The following SCAPER variants were observed in gnomAD, a reference collection of about 807,000 sequenced individuals.
SCAPER encodes S-phase cyclin A associated protein in the ER.
In SCAPER, 98 loss-of-function variants were observed where a neutral mutation model predicts 182.2. The ratio of observed to expected loss-of-function variants is 0.54; its 90% confidence interval spans 0.46 to 0.64. The LOEUF (loss-of-function observed/expected upper bound fraction) is 0.64. Ranked by LOEUF, SCAPER falls within the 30% of genes least tolerant of loss-of-function variation. The probability of loss-of-function intolerance (pLI) is 0.00; values close to 1 mark genes in which losing one functional copy is unlikely to be tolerated. For missense variants in SCAPER, 1,432 were observed against 1,690.0 expected (o/e 0.85, Z 2.68); for synonymous variants, 605 against 564.6 (o/e 1.07, Z -1.01).
chr15:76,399,852 A>G, intron 27 of SCAPER, among the ~76,000 whole-genome samples: 1 of 152,078 alleles, frequency 6.6e-6, no homozygotes, highest in East Asian at 1.9e-4. Context: ...TAAAAATACA[A>G]AAATTAGCCA....
chr15:76,884,871 C>T (rs1333142333), intron 1 of SCAPER, among the ~76,000 whole-genome samples: 2 of 152,136 alleles, frequency 1.3e-5, no homozygotes, highest in East Asian at 3.8e-4. Flanking sequence ...ATATATGCTA[C>T]AATATGGATG....
At chr15:76,394,949 C>T (rs186584799) in intron 27 of SCAPER, among the ~76,000 whole-genome samples, 30 of 152,168 alleles carry the variant, frequency 2.0e-4, no homozygotes, top group African/African-American at 5.5e-4. Flanking sequence ...TTCATTCTAA[C>T]GCTTTTATTT....
At chr15:76,574,455 A>G (rs1193551369) in intron 22 of SCAPER, among the ~76,000 whole-genome samples, 171 bp from the exon 23 acceptor site, 1 of 152,230 alleles carries the variant, frequency 6.6e-6, no homozygotes, top group Admixed American at 6.5e-5. Flanking sequence ...GTTATTTTAT[A>G]TTCATGACCA....
intron 21 of SCAPER, among the ~76,000 whole-genome samples, chr15:76,624,419 A>G (rs969367840): frequency 1.3e-5 from 2 of 152,234 alleles, no homozygotes; most frequent in Non-Finnish European, 2.9e-5. Flanking sequence ...ATAAATGAAA[A>G]AACATTCCAT....
chr15:76,811,121 CA>C (rs71447123), intron 5 of SCAPER, among the ~76,000 whole-genome samples: 11,745 of 105,414 alleles, frequency 0.11, 460 homozygotes, highest in Middle Eastern at 0.15. Flanking sequence ...ATAGAATTTA[CA>C]AAAAAAAAAA....
intron 27 of SCAPER, among the ~76,000 whole-genome samples, chr15:76,399,768 G>GCTGAGGTAGGTGGATCAT (rs2044326633): frequency 1.3e-5 from 2 of 152,084 alleles, no homozygotes; most frequent in Admixed American, 1.3e-4. Context: ...ACTTTGGGAG[G>GCTGAGGTAGGTGGATCAT]CTGAGGTAGG....
intron 17 of SCAPER, among the ~76,000 whole-genome samples, chr15:76,712,787 T>C (rs2059661775): frequency 6.6e-6 from 1 of 151,878 alleles, no homozygotes; most frequent in African/African-American, 2.4e-5. Context: ...TACATTGATT[T>C]TGTATCCTGA....
intron 8 of SCAPER, among the ~76,000 whole-genome samples, chr15:76,792,974 C>T: frequency 6.6e-6 from 1 of 152,246 alleles, no homozygotes; most frequent in East Asian, 1.9e-4. Context: ...AGCTAGCTCA[C>T]TCCGTATGTT....
rs536278425 is a variant in SCAPER, at chr15:76,415,475, G to A, written c.3312-10796C>T. Among the ~76,000 whole-genome samples, 18 of 152,062 alleles carry A rather than the reference G, an allele frequency of 1.2e-4. No homozygotes were observed. In the South Asian group the frequency reaches 2.9e-3, roughly 25 times the overall value. On this transcript the variant is annotated intron_variant, in intron 26 of 31. Coordinates refer to ENST00000563290, the MANE Select transcript of SCAPER (RefSeq NM_020843.4). ...AAGGAATAAACTATTGCCCTGAGGT[G>A]GAAAATGGATAAATTTGGGAATTTA...
At chr15:76,568,522 A>T (rs1180021684) in intron 23 of SCAPER, among the ~76,000 whole-genome samples, 2 of 151,454 alleles carry the variant, frequency 1.3e-5, no homozygotes, top group East Asian at 3.9e-4. Context: ...CACCTGGCTA[A>T]TTTTTTTTAT....
At chr15:76,423,982 A>G (rs567742808) in intron 26 of SCAPER, among the ~76,000 whole-genome samples, 1 of 152,286 alleles carries the variant, frequency 6.6e-6, no homozygotes, top group East Asian at 1.9e-4. Flanking sequence ...GTGGTCTGAG[A>G]GACAGTTTGT....
chr15:76,691,179 C>T (rs1436971487), intron 20 of SCAPER, among the ~76,000 whole-genome samples: 1 of 151,902 alleles, frequency 6.6e-6, no homozygotes, highest in Non-Finnish European at 1.5e-5. Flanking sequence ...GCTCAGTGGA[C>T]AGACACAAAA....
chr15:76,841,523 T>C (rs2069477845), intron 5 of SCAPER, among the ~76,000 whole-genome samples: 1 of 152,106 alleles, frequency 6.6e-6, no homozygotes, highest in African/African-American at 2.4e-5. Flanking sequence ...GGCATGTGCC[T>C]GTAATCCCAG....
At chr15:76,810,104 A>C (rs1256407874) in intron 5 of SCAPER, among the ~76,000 whole-genome samples, 1 of 152,198 alleles carries the variant, frequency 6.6e-6, no homozygotes, top group Non-Finnish European at 1.5e-5. Flanking sequence ...AGAAAAGCTA[A>C]AAAAGTTGTT....
intron 17 of SCAPER, among the ~76,000 whole-genome samples, chr15:76,716,135 A>T (rs139018211): frequency 3.6e-4 from 55 of 152,300 alleles, no homozygotes; most frequent in African/African-American, 1.3e-3. Context: ...TAATAACCTC[A>T]GCAGCCAACA....
chr15:76,633,830 C>T (rs537256434), intron 21 of SCAPER, among the ~76,000 whole-genome samples: 21 of 152,240 alleles, frequency 1.4e-4, no homozygotes, highest in African/African-American at 3.1e-4. Flanking sequence ...CACCCCTCTC[C>T]GCCCGGAACT....
chr15:76,708,369 A>C (rs1316913658), intron 17 of SCAPER, among the ~76,000 whole-genome samples: 1 of 152,178 alleles, frequency 6.6e-6, no homozygotes, highest in East Asian at 1.9e-4. Flanking sequence ...AAATAAAAAT[A>C]CAGTATATCA....
intron 29 of SCAPER, among the ~76,000 whole-genome samples, chr15:76,360,227 C>A (rs1041849692): frequency 6.6e-6 from 1 of 152,248 alleles, no homozygotes; most frequent in African/African-American, 2.4e-5. Flanking sequence ...AATGCTTTGC[C>A]AAAACCTCAG....
intron 1 of SCAPER, among the ~76,000 whole-genome samples, chr15:76,899,884 C>T (rs575229796): frequency 1.3e-5 from 2 of 152,048 alleles, no homozygotes; most frequent in Admixed American, 1.3e-4. Flanking sequence ...ATGACGATGG[C>T]GGTTTTGTCG....
Sources: gnomAD v4.1 joint callset for allele counts (sites outside exome capture counted in the v4.1 genomes callset) on GRCh38, gnomAD v4.1.1 for gene constraint, MANE v1.5 for transcripts, NCBI Gene and HGNC (gene_info 2026-07-23, HGNC 2026-07-21) for gene names.